The following MGRN1 variants were observed in gnomAD, a reference collection of about 807,000 sequenced individuals.
The protein encoded by MGRN1 is E3 ubiquitin-protein ligase MGRN1.
MGRN1 carries 29 observed loss-of-function variants against 69.2 expected under a neutral mutation model. That is an observed-to-expected ratio of 0.42 (90% CI 0.31 to 0.57). MGRN1 has a LOEUF of 0.57. Ranked by LOEUF, MGRN1 falls within the 20% of genes least tolerant of loss-of-function variation. The pLI, the probability that MGRN1 is intolerant of heterozygous loss-of-function variation, is 0.15. For missense variants in MGRN1, 998 were observed against 796.2 expected (o/e 1.25, Z -3.05); for synonymous variants, 470 against 344.2 (o/e 1.37, Z -4.04).
At chr16:4,649,320 G>A (rs908660428) in intron 1 of MGRN1, 1 of 152,266 alleles carries the variant, frequency 6.6e-6, no homozygotes, top group African/African-American at 2.4e-5. Context: ...TGTGACAAAT[G>A]ACCTCTAACC....
chr16:4,635,351 A>G lies in MGRN1; in HGVS notation c.88+10303A>G, dbSNP rs534590626. ...AGAATCTCTTGAAACCAGGAGGTGG[A>G]GTTCACAGTGAGCCAAGATTGCGCC... is the stretch of plus-strand genomic sequence containing the variant. On this transcript the variant is annotated intron_variant, in intron 1 of 16. Coordinates refer to ENST00000262370, the MANE Select transcript of MGRN1 (RefSeq NM_015246.4). Among the ~76,000 whole-genome samples, 9 of 152,330 alleles carry G rather than the reference A, an allele frequency of 5.9e-5. No homozygotes were observed. The East Asian group carries it at 1.4e-3, about 23-fold the overall frequency.
At chr16:4,667,814 C>T (rs954619487) in intron 7 of MGRN1, among the ~76,000 whole-genome samples, 1 of 152,272 alleles carries the variant, frequency 6.6e-6, no homozygotes, top group Non-Finnish European at 1.5e-5. Flanking sequence ...GTGTGTGCAC[C>T]ACTGTGCGTG....
chr16:4,681,479 T>C, intron 12 of MGRN1, 71 bp from the exon 13 acceptor site: 1 of 1,421,760 alleles, frequency 7.0e-7, no homozygotes, highest in South Asian at 1.3e-5. Flanking sequence ...GGACAGGAGG[T>C]CATCAGGAGG....
chr16:4,648,364 G>A (rs1296427017), intron 1 of MGRN1, among the ~76,000 whole-genome samples: 2 of 134,808 alleles, frequency 1.5e-5, no homozygotes, highest in African/African-American at 3.2e-5. Context: ...GTGGTCACCC[G>A]GCTCCTCCTC....
Position 4,677,537 on chromosome 16 carries a change from G to T in MGRN1, c.1030G>T (p.Val344Phe), listed in dbSNP as rs767992365. ...GALSPVSFSP[V>F]LAQSLEHDEH... ...CCTGTCCCCCGTGTCCTTCAGCCCC[G>T]TCCTGGCCCAGAGCCTGGAGCATGA... Residue 344 changes from valine (V) to phenylalanine (F), a missense_variant, in exon 11 of 17, where the codon GTC becomes TTC. Physicochemically the swap from Val to Phe is conservative, Grantham distance 50. Transcript: ENST00000262370. The T allele has an allele frequency of 3.1e-6, 5 of 1,599,872 alleles. No individual in the cohort carries two copies. The highest frequency in any genetic ancestry group is 2.5e-6 in the Non-Finnish European group (3 of 1,179,376).
chr16:4,647,310 AGGCACGGGGTGCCTTGT>A (rs1286577835), intron 1 of MGRN1, among the ~76,000 whole-genome samples: 3 of 152,200 alleles, frequency 2.0e-5, no homozygotes, highest in Admixed American at 1.3e-4. Flanking sequence ...CCGTGCCCTG[AGGCACGGGGTGCCTTGT>A]GGCCCCTGGC....
In MGRN1 at chr16:4,673,730, G is replaced by A. The variant is rs939796092; in HGVS notation, c.955+73G>A. ...ACTGGCCACACCACGGTGGTCCTGG[G>A]ATAGGGGGCCACAGGTCCGTTGATG... On this transcript the variant is annotated intron_variant, in intron 10 of 16. Transcript: ENST00000262370. The A allele has an allele frequency of 4.3e-5, 67 of 1,553,306 alleles. No homozygotes were observed. In the Admixed American group the frequency reaches 1.2e-3, roughly 27 times the overall value.
At chr16:4,674,165 T>G (rs12598162) in intron 10 of MGRN1, among the ~76,000 whole-genome samples, 73,008 of 152,034 alleles carry the variant, frequency 0.48, 17,817 homozygotes, top group East Asian at 0.65. Context: ...TTTACTTTTA[T>G]TAGAGATGGG....
At chr16:4,630,664 G>A (rs1897954475) in intron 1 of MGRN1, among the ~76,000 whole-genome samples, 1 of 152,086 alleles carries the variant, frequency 6.6e-6, no homozygotes, top group Non-Finnish European at 1.5e-5. Context: ...TGGCCAGGCT[G>A]ATCTCAAACT....
At chr16:4,667,677 T>C (rs1053885939) in intron 7 of MGRN1, among the ~76,000 whole-genome samples, 1 of 152,236 alleles carries the variant, frequency 6.6e-6, no homozygotes, top group Non-Finnish European at 1.5e-5. Context: ...TGAGTGTTGT[T>C]GCGAGGTCTC....
chr16:4,680,294 A>C, intron 12 of MGRN1, 197 bp downstream of exon 12: 1 of 572,258 alleles, frequency 1.7e-6, no homozygotes, highest in South Asian at 2.2e-5. Context: ...GCGAAACGCC[A>C]GGTGCGCTGG....
intron 1 of MGRN1, 137 bp from the exon 2 acceptor site, chr16:4,650,228 G>C (rs1241085947): frequency 3.3e-6 from 2 of 611,832 alleles, no homozygotes; most frequent in Non-Finnish European, 5.6e-6. Context: ...GCTTGAACCC[G>C]GTGGGCGGAG....
intron 4 of MGRN1, 39 bp downstream of exon 4, chr16:4,652,863 G>T (rs1325505088): frequency 6.4e-7 from 1 of 1,555,558 alleles, no homozygotes; most frequent in Non-Finnish European, 8.7e-7. Context: ...CTGGCTGGGG[G>T]CCCCAGACTC....
intron 1 of MGRN1, 127 bp from the exon 2 acceptor site, chr16:4,650,238 G>A: frequency 1.5e-6 from 1 of 669,484 alleles, no homozygotes; most frequent in Admixed American, 3.0e-5. Context: ...GGTGGGCGGA[G>A]CTTGCAGTGA....
Position 4,684,414 on chromosome 16 carries a change from C to T in MGRN1, c.1618+482C>T, listed in dbSNP as rs58066141. On this transcript the variant is annotated intron_variant, in intron 16 of 16. Coordinates refer to ENST00000262370, the MANE Select transcript of MGRN1 (RefSeq NM_015246.4). Reference sequence around the variant, plus strand: ...CTGCAGACAGAGCAGGAGCAGGTACCACACGCTGTGCTGGGTAGCGGGGGC... The same window carrying T: ...CTGCAGACAGAGCAGGAGCAGGTACTACACGCTGTGCTGGGTAGCGGGGGC... Among the ~76,000 whole-genome samples the T allele has an allele frequency of 8.8e-3, 1,345 of 152,346 alleles. 19 individuals carry two copies. The highest frequency in any genetic ancestry group is 0.031 in the African/African-American group (1,308 of 41,580).
At chr16:4,645,123 ATATATATAGAG>A (rs1392357235) in intron 1 of MGRN1, among the ~76,000 whole-genome samples, 5 of 132,122 alleles carry the variant, frequency 3.8e-5, no homozygotes, top group Admixed American at 8.3e-5. Context: ...GCGTGTGCAT[ATATATATAGAG>A]TGAGAGTTGG....
chr16:4,676,243 C>T (rs934509507), intron 10 of MGRN1, among the ~76,000 whole-genome samples: 2 of 152,086 alleles, frequency 1.3e-5, no homozygotes, highest in African/African-American at 4.8e-5. Context: ...GGCTGTCTGT[C>T]GGCCTCTCCT....
At chr16:4,683,412 A>G (rs1407734230) in intron 15 of MGRN1, 143 bp downstream of exon 15, 5 of 976,716 alleles carry the variant, frequency 5.1e-6, no homozygotes, top group African/African-American at 1.6e-5. Flanking sequence ...CCTCGGCGGC[A>G]CTGGGATCCC....
Position 4,669,717 on chromosome 16 carries a change from A to G in MGRN1, c.726+1405A>G, listed in dbSNP as rs144628279. 6.8e-4 allele frequency among the ~76,000 whole-genome samples: 103 copies of G among 152,328 alleles called. 1 individual carries two copies. The highest frequency in any genetic ancestry group is 2.3e-3 in the African/African-American group (95 of 41,580). ...CTTACAAATTGTCCAATATGTCAGT[A>G]TTGGACAGAGACTTAGCTTGACTTC... On this transcript the variant is annotated intron_variant, in intron 8 of 16. Coordinates refer to ENST00000262370, the MANE Select transcript of MGRN1 (RefSeq NM_015246.4).
Sources: allele counts gnomAD v4.1 joint callset (sites outside exome capture counted in the v4.1 genomes callset), GRCh38; gene constraint gnomAD v4.1.1; transcripts MANE v1.5; gene names NCBI Gene and HGNC (gene_info 2026-07-23, HGNC 2026-07-21).